Variants in CDYL observed in about 807,000 individuals in gnomAD.
The protein encoded by CDYL is chromodomain Y like.
A neutral mutation model predicts 47.3 loss-of-function variants in CDYL; 8 were observed. The observed-to-expected ratio is 0.17, with a 90% CI of 0.10 to 0.31. The LOEUF (loss-of-function observed/expected upper bound fraction) is 0.31, where lower values mean the gene tolerates loss of function less well. Ranked by LOEUF, CDYL falls within the 10% of genes least tolerant of loss-of-function variation. CDYL has a pLI of 1.00. For missense variants in CDYL, 471 were observed against 701.4 expected, an observed-to-expected ratio of 0.67 and a Z score of 3.71; for synonymous variants, 266 against 265.0, an observed-to-expected ratio of 1.00 and a Z score of -0.04.
chr6:4,942,964 C>T (rs1758405307), intron 4 of CDYL, among the ~76,000 whole-genome samples: 1 of 152,198 alleles, frequency 6.6e-6, no homozygotes, highest in Non-Finnish European at 1.5e-5. Flanking sequence ...TCTGTATCCC[C>T]CAGACTGTTC....
At chr6:4,937,968 G>GC (rs1758248882) in intron 4 of CDYL, among the ~76,000 whole-genome samples, 1 of 152,208 alleles carries the variant, frequency 6.6e-6, no homozygotes, top group South Asian at 2.1e-4. Flanking sequence ...ATTACTACTT[G>GC]CCTTGGGCAG....
At chr6:4,839,046 C>T (rs997944731) in intron 1 of CDYL, among the ~76,000 whole-genome samples, 2 of 152,142 alleles carry the variant, frequency 1.3e-5, no homozygotes, top group Non-Finnish European at 2.9e-5. Context: ...TTCCTGCCAG[C>T]AGTGTGTTTC....
chr6:4,737,934 TAA>T (rs1165972500), intron 3 of CDYL, among the ~76,000 whole-genome samples: 1 of 151,814 alleles, frequency 6.6e-6, no homozygotes, highest in Non-Finnish European at 1.5e-5. Context: ...AGAAAAAATG[TAA>T]AAAGTCAAAA....
chr6:4,756,824 A>G (rs1758082839), intron 3 of CDYL, among the ~76,000 whole-genome samples: 1 of 152,180 alleles, frequency 6.6e-6, no homozygotes. Context: ...ATGAATTCCA[A>G]TCCAATCAGC....
intron 2 of CDYL, among the ~76,000 whole-genome samples, chr6:4,904,149 G>A (rs544853429): frequency 1.1e-3 from 171 of 152,378 alleles, no homozygotes; most frequent in African/African-American, 3.9e-3. Context: ...CCCTGCCGTT[G>A]TGGGTAGTGC....
Position 4,925,807 on chromosome 6 carries a change from C to CTTTTGT in CDYL, c.692-9706_692-9701dup, listed in dbSNP as rs2127512830. ...CTAGGAGGTCGGGCGCATATCCTTG[C>CTTTTGT]TTTTGTTCACTGTGCCCTGCCTGTG... is the stretch of plus-strand genomic sequence containing the variant. On this transcript the variant is annotated intron_variant, in intron 2 of 6. Coordinates refer to ENST00000397588, the MANE Select transcript of CDYL (RefSeq NM_004824.4). 2.0e-5 allele frequency among the ~76,000 whole-genome samples: 3 copies of CTTTTGT among 152,220 alleles called. No homozygotes were observed. The East Asian group carries it at 5.8e-4, about 29-fold the overall frequency.
intron 2 of CDYL, among the ~76,000 whole-genome samples, chr6:4,732,816 A>G (rs1757631159): frequency 6.6e-6 from 1 of 152,202 alleles, no homozygotes; most frequent in African/African-American, 2.4e-5. Context: ...AAATGAAAGA[A>G]AAGATAGCGG....
At chr6:4,753,476 T>C (rs1212649967) in intron 3 of CDYL, among the ~76,000 whole-genome samples, 1 of 152,182 alleles carries the variant, frequency 6.6e-6, no homozygotes, top group Non-Finnish European at 1.5e-5. Context: ...TGAGAAATAA[T>C]GTTTGTGAAG....
chr6:4,755,979 A>T (rs938193626), intron 3 of CDYL, among the ~76,000 whole-genome samples: 1 of 152,180 alleles, frequency 6.6e-6, no homozygotes, highest in Non-Finnish European at 1.5e-5. Flanking sequence ...GAAATTGTGA[A>T]GGTTTTTCCC....
At chr6:4,713,371 C>T (rs1484824925) in intron 1 of CDYL, among the ~76,000 whole-genome samples, 2 of 152,032 alleles carry the variant, frequency 1.3e-5, no homozygotes, top group East Asian at 1.9e-4. Flanking sequence ...AGACGCAGGC[C>T]GCAGGCTACG....
At chr6:4,817,712 C>A (rs1023976999) in intron 1 of CDYL, among the ~76,000 whole-genome samples, 3 of 152,150 alleles carry the variant, frequency 2.0e-5, no homozygotes, top group African/African-American at 7.2e-5. Context: ...ATTCATGACT[C>A]ATCGTGACTT....
At chr6:4,909,301 C>A (rs182575350) in intron 2 of CDYL, among the ~76,000 whole-genome samples, 23 of 152,308 alleles carry the variant, frequency 1.5e-4, no homozygotes, top group African/African-American at 5.3e-4. Context: ...CTGCTGTGTC[C>A]AGGCTTTCCG....
chr6:4,836,111 C>T (rs958792485), intron 1 of CDYL: 29 of 182,042 alleles, frequency 1.6e-4, no homozygotes, highest in Non-Finnish European at 3.1e-5. Context: ...GTCTGGCACT[C>T]CCTAGTGAGA....
intron 5 of CDYL, among the ~76,000 whole-genome samples, chr6:4,948,590 G>T (rs1305284994): frequency 6.6e-6 from 1 of 152,174 alleles, no homozygotes; most frequent in Non-Finnish European, 1.5e-5. Flanking sequence ...CACACATGAG[G>T]AGATGGCCGT....
intron 1 of CDYL, among the ~76,000 whole-genome samples, chr6:4,856,064 T>TA (rs1385263225): frequency 1.3e-5 from 2 of 152,230 alleles, no homozygotes; most frequent in African/African-American, 4.8e-5. Context: ...ATATAGATTA[T>TA]AGAGATCTCA....
chr6:4,780,638 T>A (rs925434818), intron 1 of CDYL, among the ~76,000 whole-genome samples: 3 of 152,062 alleles, frequency 2.0e-5, no homozygotes, highest in African/African-American at 7.2e-5. Flanking sequence ...AACTTTCTCA[T>A]CAGTAAAATA....
At chr6:4,751,683 A>G (rs915486575) in intron 3 of CDYL, among the ~76,000 whole-genome samples, 2 of 152,212 alleles carry the variant, frequency 1.3e-5, no homozygotes, top group Non-Finnish European at 2.9e-5. Context: ...TCACATGATA[A>G]GCTGCTCCAT....
At chr6:4,725,875 T>C (rs11242977) in intron 2 of CDYL, among the ~76,000 whole-genome samples, 22,047 of 152,238 alleles carry the variant, frequency 0.14, 2,127 homozygotes, top group African/African-American at 0.29. Flanking sequence ...CTCACTCTTA[T>C]CAAAGGTGAG....
chr6:4,848,232 A>G (rs1488340191), intron 1 of CDYL, among the ~76,000 whole-genome samples: 1 of 152,168 alleles, frequency 6.6e-6, no homozygotes, highest in Non-Finnish European at 1.5e-5. Context: ...ACAGTGTCTG[A>G]TAATTAGTAG....
Sources: allele counts gnomAD v4.1 joint callset (sites outside exome capture counted in the v4.1 genomes callset), GRCh38; gene constraint gnomAD v4.1.1; transcripts MANE v1.5; gene names NCBI Gene and HGNC (gene_info 2026-07-23, HGNC 2026-07-21).